Variants in GTF2IRD1 observed in about 807,000 individuals in gnomAD.
GTF2IRD1 encodes the protein general transcription factor II-I repeat domain-containing protein 1.
A neutral mutation model predicts 113.2 loss-of-function variants in GTF2IRD1; 26 were observed. The ratio of observed to expected loss-of-function variants is 0.23; its 90% CI spans 0.17 to 0.32. The LOEUF is 0.32. GTF2IRD1 is among the 10% of genes least tolerant of loss of function. GTF2IRD1 has a pLI of 1.00. For synonymous variants in GTF2IRD1, 484 were observed against 529.1 expected (o/e 0.91, Z 1.17); for missense variants, 864 against 1,280.8 (o/e 0.67, Z 4.97).
intron 1 of GTF2IRD1, among the ~76,000 whole-genome samples, chr7:74,469,272 CT>C (rs1191346884): frequency 1.8e-3 from 267 of 150,618 alleles, no homozygotes; most frequent in African/African-American, 6.2e-3. Flanking sequence ...GTTGGATTTT[CT>C]TTTTTTTTGT....
In GTF2IRD1 at chr7:74,519,696, C is replaced by T. The variant is rs1456802626; in HGVS notation, c.893C>T (p.Ala298Val). 4.4e-6 allele frequency: 7 copies of T among 1,582,558 alleles called. No individual in the cohort carries two copies. In the East Asian group the frequency reaches 9.0e-5, roughly 20 times the overall value. ...ATGCCAGAGCCCAAGGCCACCGGTG[C>T]CCAAGACTTCTCCGACTGTTGTGGT... ...RPMPEPKATG[A>V]QDFSDCCGQK... The change falls in exon 6 of 27, where the codon GCC becomes GTC. Residue 298 changes from alanine (A) to valine (V), a missense_variant. Transcript: ENST00000424337.
At chr7:74,501,942 G>A (rs868976154) in intron 1 of GTF2IRD1, among the ~76,000 whole-genome samples, 1 of 151,988 alleles carries the variant, frequency 6.6e-6, no homozygotes, top group African/African-American at 2.4e-5. Flanking sequence ...GTGAGCTACC[G>A]CGCCTGGCCT....
At chr7:74,485,531 G>A (rs1554335432) in intron 1 of GTF2IRD1, among the ~76,000 whole-genome samples, 2 of 151,876 alleles carry the variant, frequency 1.3e-5, no homozygotes, top group Non-Finnish European at 1.5e-5. Flanking sequence ...GCAGGAGAAT[G>A]GTGTGAACCC....
chr7:74,592,613 C>T (rs1213219159), intron 24 of GTF2IRD1, among the ~76,000 whole-genome samples: 5 of 151,838 alleles, frequency 3.3e-5, no homozygotes, highest in African/African-American at 1.2e-4. Flanking sequence ...CAGCTCACTG[C>T]AACCTCCACC....
At chr7:74,455,129 C>T (rs923044223) in intron 1 of GTF2IRD1, among the ~76,000 whole-genome samples, 7 of 152,170 alleles carry the variant, frequency 4.6e-5, no homozygotes, top group African/African-American at 1.2e-4. Context: ...CAAGGTCCTG[C>T]GGTGGGAGTC....
At chr7:74,601,471 G>A in intron 26 of GTF2IRD1, 1 of 1,440,034 alleles carries the variant, frequency 6.9e-7, no homozygotes, top group Non-Finnish European at 9.1e-7. Flanking sequence ...ACCAGAGCTG[G>A]AGACATGAAA....
intron 1 of GTF2IRD1, among the ~76,000 whole-genome samples, chr7:74,499,817 AAAG>A (rs1795926762): frequency 6.6e-6 from 1 of 152,192 alleles, no homozygotes; most frequent in African/African-American, 2.4e-5. Flanking sequence ...CACACGAAAG[AAAG>A]AATGAATGTG....
chr7:74,601,496 G>A (rs1215975582), intron 26 of GTF2IRD1: 2 of 1,432,724 alleles, frequency 1.4e-6, no homozygotes, highest in Admixed American at 5.7e-5. Context: ...ATGGCTGGCG[G>A]GTGCAGTGGC....
intron 4 of GTF2IRD1, among the ~76,000 whole-genome samples, chr7:74,517,684 T>TG: frequency 6.6e-6 from 1 of 152,156 alleles, no homozygotes; most frequent in African/African-American, 2.4e-5. Flanking sequence ...CCTCCCAAAA[T>TG]GCTGGGATGA....
intron 1 of GTF2IRD1, among the ~76,000 whole-genome samples, chr7:74,462,061 A>C (rs1193645670): frequency 6.6e-6 from 1 of 151,980 alleles, no homozygotes; most frequent in Non-Finnish European, 1.5e-5. Context: ...AACATAGTGA[A>C]ACCTCCATCT....
chr7:74,593,032 A>AT (rs1462029101), intron 24 of GTF2IRD1, among the ~76,000 whole-genome samples: 1 of 148,698 alleles, frequency 6.7e-6, no homozygotes, highest in African/African-American at 2.5e-5. Context: ...TAATTTTTGT[A>AT]TTTTTGTAGA....
intron 8 of GTF2IRD1, among the ~76,000 whole-genome samples, chr7:74,525,254 C>G (rs1797534169): frequency 6.6e-6 from 1 of 152,168 alleles, no homozygotes; most frequent in African/African-American, 2.4e-5. Flanking sequence ...GTCACCTCCT[C>G]TAGGAAGCCT....
intron 24 of GTF2IRD1, among the ~76,000 whole-genome samples, chr7:74,591,419 C>G (rs1253258630): frequency 1.4e-5 from 2 of 141,356 alleles, no homozygotes. Flanking sequence ...TGCTCTGTCA[C>G]CCAGTCTGGA....
rs377164397 is a variant in GTF2IRD1, at chr7:74,580,397, G to A, written c.2321-9454G>A. Among the ~76,000 whole-genome samples the A allele has an allele frequency of 9.1e-4, 139 of 152,248 alleles. 1 individual carries two copies. The highest frequency in any genetic ancestry group is 3.3e-3 in the African/African-American group (136 of 41,552). ...GCTGTGAATGGTCGTAATTACCAACGTGAGGTCGTCAGTCTGAGCTGAAGT... is the reference window on the plus strand; with the variant it reads ...GCTGTGAATGGTCGTAATTACCAACATGAGGTCGTCAGTCTGAGCTGAAGT... On this transcript the variant is annotated intron_variant, in intron 22 of 26. Transcript: ENST00000424337.
chr7:74,590,392 A>ATT (rs879995607), intron 23 of GTF2IRD1, among the ~76,000 whole-genome samples: 1 of 122,120 alleles, frequency 8.2e-6, no homozygotes, highest in Non-Finnish European at 1.7e-5. Context: ...GTAGGTCTTG[A>ATT]TTTTTTTTTT....
At chr7:74,565,628 G>A (rs1194619209) in intron 22 of GTF2IRD1, among the ~76,000 whole-genome samples, 5 of 152,064 alleles carry the variant, frequency 3.3e-5, no homozygotes, top group African/African-American at 1.2e-4. Flanking sequence ...CCTCTACCCA[G>A]GTAGCTGCTG....
At chr7:74,599,657 A>G (rs1308039264) in intron 25 of GTF2IRD1, among the ~76,000 whole-genome samples, 2 of 152,140 alleles carry the variant, frequency 1.3e-5, no homozygotes, top group Non-Finnish European at 2.9e-5. Flanking sequence ...ACCACCATAC[A>G]TTAGTGATAA....
At chr7:74,596,476 A>G (rs1802420125) in intron 25 of GTF2IRD1, among the ~76,000 whole-genome samples, 2 of 149,982 alleles carry the variant, frequency 1.3e-5, no homozygotes, top group African/African-American at 4.9e-5. Context: ...AAAAAAAAAA[A>G]GAAAAAGAAA....
intron 22 of GTF2IRD1, among the ~76,000 whole-genome samples, chr7:74,575,389 T>C (rs1554364213): frequency 6.6e-6 from 1 of 152,102 alleles, no homozygotes; most frequent in African/African-American, 2.4e-5. Context: ...ACAGGGAAGA[T>C]GGTACATGGC....
Sources: gnomAD v4.1 joint callset for allele counts (sites outside exome capture counted in the v4.1 genomes callset) on GRCh38, gnomAD v4.1.1 for gene constraint, MANE v1.5 for transcripts, NCBI Gene and HGNC (gene_info 2026-07-23, HGNC 2026-07-21) for gene names.